Variants in UBR4 observed in about 807,000 individuals in gnomAD.
The protein encoded by UBR4 is ubiquitin protein ligase E3 component n-recognin 4, also known as E3 ubiquitin-protein ligase UBR4.
In UBR4, 124 loss-of-function variants were observed where a neutral mutation model predicts 575.6. The ratio of observed to expected loss-of-function variants is 0.22; its 90% CI spans 0.19 to 0.25. The LOEUF is 0.25. Among genes scored for constraint, UBR4 ranks in the 10% least tolerant of loss-of-function variants. UBR4 has a pLI of 1.00. For missense variants in UBR4, 4,818 were observed against 6,478.8 expected (o/e 0.74, Z 8.80); for synonymous variants, 2,455 against 2,473.7 (o/e 0.99, Z 0.22).
At chr1:19,188,532 C>T (rs1044512298) in intron 11 of UBR4, among the ~76,000 whole-genome samples, 8 of 151,866 alleles carry the variant, frequency 5.3e-5, no homozygotes, top group Non-Finnish European at 1.0e-4. Flanking sequence ...CCAACCTGGG[C>T]GATAGAGTGA....
At chr1:19,079,251 A>G (rs966167631) in intron 103 of UBR4, 1 of 152,172 alleles carries the variant, frequency 6.6e-6, no homozygotes, top group African/African-American at 2.4e-5. Context: ...ATAACTCGCA[A>G]AAAACAAATA....
At position 19,093,200 on chromosome 1, in the gene UBR4, C is replaced by A; in HGVS notation, c.14111+113G>T. ...ATAGTTTCCAGAAGCGGTTGGGAGG[C>A]CCCAAGGAGGGCAAGGGGCACACGT... On this transcript the variant is annotated intron_variant, in intron 96 of 105. Transcript: ENST00000375254. The surrounding 1 kb of genome is among the most constrained non-coding windows in gnomAD (Gnocchi z 4.8). The A allele has an allele frequency of 1.5e-6, 2 of 1,377,794 alleles. No individual in the cohort carries two copies. The highest frequency in any genetic ancestry group is 2.3e-5 in the East Asian group (1 of 43,482). 85.3% of individuals were successfully genotyped at this position (1,377,794 alleles called of 1,614,324 possible).
At position 19,129,980 on chromosome 1, in the gene UBR4, G is replaced by A. The variant is rs149691500; in HGVS notation, c.8907-906C>T. ...TGATTGGCATGTGTTACATATCTTAGCAGGTATCCAGAATATTGTCTTTTT... is the reference window on the plus strand; with the variant it reads ...TGATTGGCATGTGTTACATATCTTAACAGGTATCCAGAATATTGTCTTTTT... On this transcript the variant is annotated intron_variant, in intron 60 of 105. Coordinates refer to ENST00000375254, the MANE Select transcript of UBR4 (RefSeq NM_020765.3). Among the ~76,000 whole-genome samples the A allele has an allele frequency of 2.6e-3, 402 of 152,056 alleles. 1 individual carries two copies. Among genetic ancestry groups the A allele is most frequent in the African/African-American group, 9.5e-3 (393 of 41,450 alleles).
chr1:19,180,995 CA>C (rs1304133995), intron 17 of UBR4, among the ~76,000 whole-genome samples: 1 of 152,198 alleles, frequency 6.6e-6, no homozygotes, highest in Non-Finnish European at 1.5e-5. Context: ...CTCATTACTT[CA>C]AAAATTGCCC....
chr1:19,081,647 G>C (rs1363971874), intron 102 of UBR4, 74 bp from the exon 103 acceptor site: 1 of 1,533,266 alleles, frequency 6.5e-7, no homozygotes, highest in South Asian at 1.1e-5. Context: ...GGAAGAATTT[G>C]CTCAATTTGT....
chr1:19,140,380 C>A (rs2083730506), intron 58 of UBR4, among the ~76,000 whole-genome samples: 1 of 152,232 alleles, frequency 6.6e-6, no homozygotes. Context: ...AATCTAGCTT[C>A]TTATAGCTCT....
At chr1:19,151,521 T>G (rs775517904) in intron 48 of UBR4, 122 bp downstream of exon 48, 41 of 1,086,690 alleles carry the variant, frequency 3.8e-5, no homozygotes, top group Admixed American at 2.7e-4. Context: ...AGTTTCCTGA[T>G]GAAAGGACAG....
At chr1:19,076,661 A>G in intron 105 of UBR4, 79 bp downstream of exon 105, 1 of 1,591,464 alleles carries the variant, frequency 6.3e-7, no homozygotes, top group Non-Finnish European at 8.6e-7. Flanking sequence ...TCGTGAAGAT[A>G]AAGCTACGGA....
At chr1:19,107,088 A>T (rs1457653567) in intron 81 of UBR4, 122 bp from the exon 82 acceptor site, 1 of 1,397,098 alleles carries the variant, frequency 7.2e-7, no homozygotes, top group African/African-American at 1.4e-5. Context: ...AGGAGGATCA[A>T]CACGTGTATC....
chr1:19,084,810 G>A, intron 101 of UBR4, 112 bp from the exon 102 acceptor site: 1 of 1,034,848 alleles, frequency 9.7e-7, no homozygotes, highest in Non-Finnish European at 1.4e-6. Context: ...GCAAAGGTTT[G>A]CAAACGGAGA....
chr1:19,146,804 C>T (rs746957903), intron 52 of UBR4, 22 bp downstream of exon 52: 36 of 1,604,736 alleles, frequency 2.2e-5, no homozygotes, highest in South Asian at 4.5e-5. Context: ...CTCAGGACCA[C>T]GGCCACAGAG....
intron 42 of UBR4, 109 bp downstream of exon 42, chr1:19,156,162 T>A (rs759337315): frequency 6.9e-7 from 1 of 1,452,384 alleles, no homozygotes; most frequent in Non-Finnish European, 9.3e-7. Flanking sequence ...GTGAAAGTCA[T>A]GGCACCCAGC....
intron 20 of UBR4, 32 bp downstream of exon 20, chr1:19,176,560 G>A: frequency 6.2e-7 from 1 of 1,605,920 alleles, no homozygotes; most frequent in Non-Finnish European, 8.5e-7. Flanking sequence ...GAATCAGTAA[G>A]TCAGTTTCTT....
At chr1:19,192,005 T>C (rs2092123447) in intron 11 of UBR4, among the ~76,000 whole-genome samples, 183 bp downstream of exon 11, 1 of 152,202 alleles carries the variant, frequency 6.6e-6, no homozygotes, top group Non-Finnish European at 1.5e-5. Flanking sequence ...ATGAGTGACT[T>C]ATCTAAAAAT....
At position 19,093,021 on chromosome 1, in the gene UBR4, C is replaced by A; in HGVS notation, c.14112-103G>T. On this transcript the variant is annotated intron_variant, in intron 96 of 105. Coordinates refer to ENST00000375254, the MANE Select transcript of UBR4 (RefSeq NM_020765.3). This position sits in a 1 kb window ranked among gnomAD's most constrained non-coding sequence, Gnocchi z 4.8. ...TTTAAACCCCCAGGGCATGATTAAC[C>A]GTGACCCTCTCCGAGTGTCATAAAG... 4.7e-6 allele frequency: 5 copies of A among 1,066,256 alleles called. No homozygotes were observed. Among genetic ancestry groups the A allele is most frequent in the Non-Finnish European group, 6.9e-6 (5 of 721,832 alleles). 66.0% of individuals were successfully genotyped at this position (1,066,256 alleles called of 1,614,324 possible). A position where few individuals can be genotyped will look rare whatever the true frequency, so the allele number is the denominator to read the frequency against.
At position 19,128,411 on chromosome 1, in the gene UBR4, G is replaced by A. The variant is rs1410692718; in HGVS notation, c.9004-93C>T. ...TTTCAGAAGAAATCCTAATCTTCCT[G>A]ACATCCCTATCAATCATAACTGTAA... is the stretch of plus-strand genomic sequence containing the variant. On this transcript the variant is annotated intron_variant, in intron 61 of 105. Coordinates refer to ENST00000375254, the MANE Select transcript of UBR4 (RefSeq NM_020765.3). 1.3e-5 allele frequency: 14 copies of A among 1,040,452 alleles called. No homozygotes were observed. The East Asian group carries it at 3.1e-4, about 23-fold the overall frequency. The allele number at this position is 1,040,452 out of a possible 1,614,324, so 64.5% of individuals were successfully genotyped here. A position where few individuals can be genotyped will look rare whatever the true frequency, so the allele number is the denominator to read the frequency against.
chr1:19,200,131 G>A (rs190991605), intron 2 of UBR4, among the ~76,000 whole-genome samples: 9 of 152,204 alleles, frequency 5.9e-5, no homozygotes, highest in Non-Finnish European at 1.2e-4. Flanking sequence ...TTAAATCCAG[G>A]CAGTCAGCCT....
At chr1:19,133,272 T>C (rs2082749646) in intron 60 of UBR4, among the ~76,000 whole-genome samples, 1 of 152,026 alleles carries the variant, frequency 6.6e-6, no homozygotes, top group Non-Finnish European at 1.5e-5. Flanking sequence ...ATCTATAACC[T>C]TAAACAAAAT....
Position 19,076,731 on chromosome 1 carries a change from G to C in UBR4, c.15487+9C>G. The stretch of plus-strand genomic sequence containing the variant: ...GAGGATCTTTAAAAGAGAAAACCTT[G>C]ACACTAACCGGCCACATCGAGGAAC... On this transcript the variant is annotated intron_variant, in intron 105 of 105. Transcript: ENST00000375254. 5 of 1,614,074 alleles carry C rather than the reference G, an allele frequency of 3.1e-6. No homozygotes were observed. Among genetic ancestry groups the C allele is most frequent in the Non-Finnish European group, 4.2e-6 (5 of 1,180,014 alleles).
Sources: gnomAD v4.1 joint callset for allele counts (sites outside exome capture counted in the v4.1 genomes callset) on GRCh38, gnomAD v4.1.1 for gene constraint, Gnocchi (gnomAD v3.1) non-coding constraint, MANE v1.5 for transcripts, NCBI Gene and HGNC (gene_info 2026-07-23, HGNC 2026-07-21) for gene names.